Variants in TMEM132C observed in about 807,000 individuals in gnomAD.
TMEM132C encodes the protein transmembrane protein 132C, also known as protein phosphatase 1, regulatory subunit 152.
Under a neutral mutation model 61.4 loss-of-function variants are expected in TMEM132C, and 29 were observed. That is an observed-to-expected ratio of 0.47 (90% CI 0.35 to 0.64). The LOEUF is 0.64. Ranked by LOEUF, TMEM132C falls within the 30% of genes least tolerant of loss-of-function variation. The probability of loss-of-function intolerance (pLI) is 0.00; values close to 1 mark genes in which losing one functional copy is unlikely to be tolerated. For missense variants in TMEM132C, 1,408 were observed against 1,476.9 expected (o/e 0.95, Z 0.76); for synonymous variants, 656 against 633.1 (o/e 1.04, Z -0.54).
At chr12:128,421,825 A>G (rs1868997612) in intron 2 of TMEM132C, among the ~76,000 whole-genome samples, 1 of 152,238 alleles carries the variant, frequency 6.6e-6, no homozygotes, top group South Asian at 2.1e-4. Context: ...ACACATATGC[A>G]GATAGGTTTT....
intron 2 of TMEM132C, among the ~76,000 whole-genome samples, chr12:128,505,773 A>C (rs1872336707): frequency 1.3e-5 from 2 of 152,156 alleles, no homozygotes; most frequent in African/African-American, 2.4e-5. Flanking sequence ...TGGATGAATG[A>C]GTGACATTCA....
chr12:128,632,076 A>G (rs1024219761), intron 4 of TMEM132C, among the ~76,000 whole-genome samples: 3 of 152,268 alleles, frequency 2.0e-5, no homozygotes, highest in East Asian at 1.9e-4. Context: ...GGCTGCTACT[A>G]TTTTAGTTGT....
chr12:128,366,600 G>T (rs1388040602), intron 1 of TMEM132C, among the ~76,000 whole-genome samples: 4 of 152,150 alleles, frequency 2.6e-5, no homozygotes, highest in Admixed American at 2.6e-4. Flanking sequence ...AGGCTTGTGA[G>T]ATGGAAACGT....
intron 1 of TMEM132C, among the ~76,000 whole-genome samples, chr12:128,356,027 T>G (rs71446257): frequency 0.021 from 3,139 of 152,248 alleles, 68 homozygotes; most frequent in African/African-American, 0.051. Flanking sequence ...CTCTGCTTTA[T>G]CTTGAGCATC....
At chr12:128,358,155 C>T (rs927910073) in intron 1 of TMEM132C, among the ~76,000 whole-genome samples, 1 of 152,134 alleles carries the variant, frequency 6.6e-6, no homozygotes, top group Non-Finnish European at 1.5e-5. Context: ...GAACAGTCTC[C>T]ACTTTCTGGA....
At chr12:128,563,315 C>T (rs1383803136) in intron 3 of TMEM132C, among the ~76,000 whole-genome samples, 1 of 152,192 alleles carries the variant, frequency 6.6e-6, no homozygotes, top group Non-Finnish European at 1.5e-5. Flanking sequence ...GGTCCAGAGC[C>T]TTGGCAGGTC....
chr12:128,378,467 A>ACT (rs2135988735), intron 1 of TMEM132C, among the ~76,000 whole-genome samples: 1 of 152,252 alleles, frequency 6.6e-6, no homozygotes, highest in South Asian at 2.1e-4. Context: ...TTGCACCTTC[A>ACT]CTACCCAGTG....
intron 8 of TMEM132C, among the ~76,000 whole-genome samples, chr12:128,699,448 G>A (rs1298536566): frequency 6.6e-6 from 1 of 152,148 alleles, no homozygotes; most frequent in African/African-American, 2.4e-5. Context: ...ATAGGACTGA[G>A]GTTGCCAATT....
At chr12:128,407,744 A>G (rs1020313575) in intron 1 of TMEM132C, among the ~76,000 whole-genome samples, 3 of 152,186 alleles carry the variant, frequency 2.0e-5, no homozygotes, top group Non-Finnish European at 4.4e-5. Flanking sequence ...CACTTCTTCC[A>G]TATTTTCTTG....
intron 1 of TMEM132C, among the ~76,000 whole-genome samples, chr12:128,291,523 T>C (rs1321468150): frequency 1.3e-5 from 2 of 152,156 alleles, no homozygotes; most frequent in East Asian, 3.9e-4. Context: ...ACAGCAGAAA[T>C]AGGTGAAAGG....
chr12:128,320,108 C>CG (rs1396340749), intron 1 of TMEM132C, among the ~76,000 whole-genome samples: 15 of 152,280 alleles, frequency 9.9e-5, no homozygotes, highest in Admixed American at 3.3e-4. Context: ...TAGTTAGGAA[C>CG]GCTCCTGTTT....
At position 128,469,199 on chromosome 12, in the gene TMEM132C, G is replaced by A. The variant is rs187537657; in HGVS notation, c.974+53579G>A. Among the ~76,000 whole-genome samples, 43 of 152,232 alleles carry A rather than the reference G, an allele frequency of 2.8e-4. No homozygotes were observed. The East Asian group carries it at 7.3e-3, about 26-fold the overall frequency. On this transcript the variant is annotated intron_variant, in intron 2 of 8. Coordinates refer to ENST00000435159, the MANE Select transcript of TMEM132C (RefSeq NM_001136103.3). ...AAGCCATTTCCAGAAGAGATCTGGT[G>A]TTTCAGATAATAAAGATAGCATTTA...
chr12:128,421,286 A>G (rs1453032536), intron 2 of TMEM132C, among the ~76,000 whole-genome samples: 1 of 152,238 alleles, frequency 6.6e-6, no homozygotes, highest in Admixed American at 6.5e-5. Flanking sequence ...CATGTGGTGT[A>G]TATATCATCC....
At chr12:128,267,560 G>A (rs1305162763) in intron 1 of TMEM132C, 73 bp downstream of exon 1, 2 of 1,158,926 alleles carry the variant, frequency 1.7e-6, no homozygotes, top group East Asian at 3.5e-5. Context: ...CGGGGTGAGG[G>A]CAGCCGAAGC....
intron 1 of TMEM132C, among the ~76,000 whole-genome samples, chr12:128,405,974 C>T (rs1251069146): frequency 1.3e-5 from 2 of 152,172 alleles, no homozygotes; most frequent in Non-Finnish European, 2.9e-5. Context: ...TTGTTCTTGT[C>T]TGCTGCAACA....
chr12:128,568,252 A>G (rs1483619119), intron 3 of TMEM132C, among the ~76,000 whole-genome samples: 1 of 152,220 alleles, frequency 6.6e-6, no homozygotes, highest in African/African-American at 2.4e-5. Context: ...GGTGCCCCTT[A>G]ATGATGAAGA....
chr12:128,298,498 C>T (rs1246321495), intron 1 of TMEM132C, among the ~76,000 whole-genome samples: 1 of 152,180 alleles, frequency 6.6e-6, no homozygotes, highest in African/African-American at 2.4e-5. Flanking sequence ...CCCAGCTCTC[C>T]CTGGTGATTG....
chr12:128,493,366 C>G (rs558910710), intron 2 of TMEM132C, among the ~76,000 whole-genome samples: 7 of 152,094 alleles, frequency 4.6e-5, no homozygotes, highest in South Asian at 2.1e-4. Context: ...CTTTAAAGTA[C>G]TTTTTTCCAA....
In TMEM132C at chr12:128,706,847, A is replaced by G. The variant is rs1954844767; in HGVS notation, c.*552A>G. On this transcript the variant is annotated 3_prime_UTR_variant, in exon 9 of 9. Transcript: ENST00000435159. The stretch of plus-strand genomic sequence containing the variant: ...CTAGGGAGTTTTAAATCTTTACTTG[A>G]TCATCTTTTATTTTCTTTTCCACTT... The G allele has an allele frequency of 6.6e-6, 1 of 152,018 alleles. No homozygotes were observed. The highest frequency in any genetic ancestry group is 1.5e-5 in the Non-Finnish European group (1 of 68,024). The allele number at this position is 152,018 out of a possible 1,614,324, so 9.4% of individuals were successfully genotyped here. A position where few individuals can be genotyped will look rare whatever the true frequency, so the allele number is the denominator to read the frequency against.
Sources: gnomAD v4.1 joint callset for allele counts (sites outside exome capture counted in the v4.1 genomes callset) on GRCh38, gnomAD v4.1.1 for gene constraint, MANE v1.5 for transcripts, NCBI Gene and HGNC (gene_info 2026-07-23, HGNC 2026-07-21) for gene names.